The following ACMSD variants were observed in gnomAD, a reference collection of about 807,000 sequenced individuals.
The protein encoded by ACMSD is 2-amino-3-carboxymuconate-6-semialdehyde decarboxylase.
Under a neutral mutation model 45.9 loss-of-function variants are expected in ACMSD, and 37 were observed. The ratio of observed to expected loss-of-function variants is 0.81; its 90% CI spans 0.62 to 1.06. ACMSD has a LOEUF of 1.06. Among genes scored for constraint, ACMSD ranks in the 50% least tolerant of loss-of-function variants. The pLI is 0.00. For missense variants in ACMSD, 434 were observed against 420.9 expected (o/e 1.03, Z -0.27); for synonymous variants, 138 against 148.8 (o/e 0.93, Z 0.53).
intron 1 of ACMSD, among the ~76,000 whole-genome samples, chr2:134,843,648 G>C (rs1686912656): frequency 6.6e-6 from 1 of 152,142 alleles, no homozygotes; most frequent in South Asian, 2.1e-4. Flanking sequence ...CCACAAGTGA[G>C]AGGTTGAGTT....
Position 134,881,722 on chromosome 2 carries a change from G to C in ACMSD, c.849+9081G>C, listed in dbSNP as rs535173930. On this transcript the variant is annotated intron_variant, in intron 8 of 9. Transcript: ENST00000356140. ...ATGGCTTAAAACAAAGAATTTCTCA[G>C]GCTGCGCATAATCCCAACACTTTCG... Among the ~76,000 whole-genome samples, 5 of 152,280 alleles carry C rather than the reference G, an allele frequency of 3.3e-5. No homozygotes were observed. The South Asian group carries it at 1.0e-3, about 32-fold the overall frequency.
intron 8 of ACMSD, among the ~76,000 whole-genome samples, chr2:134,886,233 C>CATTATTATTATTATTATT (rs1170785128): frequency 4.3e-4 from 55 of 128,292 alleles, no homozygotes; most frequent in African/African-American, 7.3e-4. Context: ...ATTACCCATT[C>CATTATTATTATTATTATT]ATTATTATTA....
At chr2:134,876,912 G>A (rs1156537985) in intron 8 of ACMSD, among the ~76,000 whole-genome samples, 2 of 152,108 alleles carry the variant, frequency 1.3e-5, no homozygotes, top group Admixed American at 1.3e-4. Flanking sequence ...CTCCCAAGTA[G>A]CTGGGATTAC....
chr2:134,863,672 G>A, intron 5 of ACMSD, 41 bp downstream of exon 5: 1 of 1,598,156 alleles, frequency 6.3e-7, no homozygotes, highest in Non-Finnish European at 8.6e-7. Flanking sequence ...GCCGCCCAGT[G>A]CCTGGGCCGG....
intron 8 of ACMSD, among the ~76,000 whole-genome samples, chr2:134,897,456 T>C (rs1194050537): frequency 2.0e-5 from 3 of 152,216 alleles, no homozygotes; most frequent in Non-Finnish European, 4.4e-5. Flanking sequence ...TATTCTGTAA[T>C]TTAATTGGCC....
chr2:134,867,746 T>C, intron 6 of ACMSD, 74 bp downstream of exon 6: 5 of 1,200,742 alleles, frequency 4.2e-6, no homozygotes, highest in Non-Finnish European at 6.1e-6. Flanking sequence ...AAACCTATTA[T>C]GTCAAATAGG....
At chr2:134,849,166 A>G (rs1687214761) in intron 2 of ACMSD, among the ~76,000 whole-genome samples, 1 of 152,062 alleles carries the variant, frequency 6.6e-6, no homozygotes, top group Non-Finnish European at 1.5e-5. Context: ...GTGGATTTGA[A>G]TGGCCTTCAT....
At chr2:134,872,123 AT>A (rs1179458268) in intron 7 of ACMSD, among the ~76,000 whole-genome samples, 2 of 151,638 alleles carry the variant, frequency 1.3e-5, no homozygotes, top group African/African-American at 4.8e-5. Flanking sequence ...CACCCAACTA[AT>A]TTTTTTGTAT....
rs769035826 is a variant in ACMSD, at chr2:134,867,670, T to C, written c.578T>C (p.Val193Ala). The C allele has an allele frequency of 4.3e-6, 7 of 1,613,304 alleles. No homozygotes were observed. The highest frequency in any genetic ancestry group is 2.2e-5 in the East Asian group (1 of 44,854). The stretch of plus-strand genomic sequence containing the variant: ...GCCAAATACTGGCTCCCTTGGCTTG[T>C]AGGTTTGTGTCTGTGTGGGGTCTGG... ...RMAKYWLPWL[V>A]GMPAETTIAI... The change falls in exon 6 of 10, where the codon GTA becomes GCA. Residue 193 changes from valine (V) to alanine (A), a missense_variant and splice_region_variant. Val to Ala is a moderately conservative substitution (Grantham distance 64). Transcript: ENST00000356140.
At chr2:134,864,138 C>G (rs1256894929) in intron 5 of ACMSD, among the ~76,000 whole-genome samples, 3 of 151,528 alleles carry the variant, frequency 2.0e-5, no homozygotes, top group African/African-American at 4.9e-5. Context: ...AGGCGTAGTG[C>G]CACACCCCTG....
chr2:134,875,276 G>C (rs1380941162), intron 8 of ACMSD, among the ~76,000 whole-genome samples: 4 of 152,132 alleles, frequency 2.6e-5, no homozygotes, highest in Non-Finnish European at 4.4e-5. Flanking sequence ...ACAGGCATGA[G>C]TCACCATAAC....
At chr2:134,862,265 C>T (rs941356682) in intron 4 of ACMSD, among the ~76,000 whole-genome samples, 4 of 152,126 alleles carry the variant, frequency 2.6e-5, no homozygotes, top group African/African-American at 9.7e-5. Flanking sequence ...TACAGTGGTA[C>T]TAGACCAGCC....
chr2:134,896,472 T>A (rs993116546), intron 8 of ACMSD, among the ~76,000 whole-genome samples: 1 of 152,036 alleles, frequency 6.6e-6, no homozygotes, highest in Admixed American at 6.5e-5. Flanking sequence ...GATAACAAAA[T>A]GGACATGAAT....
intron 8 of ACMSD, among the ~76,000 whole-genome samples, chr2:134,880,053 T>C (rs1688950710): frequency 6.6e-6 from 1 of 152,204 alleles, no homozygotes; most frequent in Non-Finnish European, 1.5e-5. Context: ...AAACCTTGTT[T>C]ATCTAAAAAT....
At chr2:134,862,950 G>C in intron 4 of ACMSD, 2 of 985,298 alleles carry the variant, frequency 2.0e-6, no homozygotes, top group Non-Finnish European at 2.4e-6. Flanking sequence ...GACAGGCAGG[G>C]GCAGGACAAG....
chr2:134,892,423 G>T (rs1689842520), intron 8 of ACMSD, among the ~76,000 whole-genome samples: 1 of 151,658 alleles, frequency 6.6e-6, no homozygotes, highest in South Asian at 2.1e-4. Context: ...TCTGTAAAAA[G>T]GGCCTGTGCT....
At chr2:134,859,546 G>A in intron 3 of ACMSD, 189 bp downstream of exon 3, 2 of 530,138 alleles carry the variant, frequency 3.8e-6, no homozygotes, top group Non-Finnish European at 6.7e-6. Context: ...GATTCAAAAT[G>A]TTTCATATGA....
At chr2:134,870,914 C>A (rs777513765) in intron 6 of ACMSD, 51 bp from the exon 7 acceptor site, 17 of 1,507,086 alleles carry the variant, frequency 1.1e-5, no homozygotes, top group African/African-American at 2.8e-5. Flanking sequence ...TCACTGAATT[C>A]TTCTTGGTGG....
chr2:134,845,930 G>A (rs916750937), intron 2 of ACMSD, among the ~76,000 whole-genome samples: 13 of 152,170 alleles, frequency 8.5e-5, no homozygotes, highest in African/African-American at 3.1e-4. Flanking sequence ...CTGGCATGCA[G>A]ACATGACTAA....
Sources: allele counts gnomAD v4.1 joint callset (sites outside exome capture counted in the v4.1 genomes callset), GRCh38; gene constraint gnomAD v4.1.1; transcripts MANE v1.5; gene names NCBI Gene and HGNC (gene_info 2026-07-23, HGNC 2026-07-21).